The following PRPF38A variants were observed in gnomAD, a reference collection of about 807,000 sequenced individuals.
The protein encoded by PRPF38A is pre-mRNA processing factor 38A.
In PRPF38A, 11 loss-of-function variants were observed where a neutral mutation model predicts 46.8. The observed-to-expected ratio is 0.24, with a 90% CI of 0.15 to 0.39. The LOEUF (loss-of-function observed/expected upper bound fraction) is 0.39, where lower values mean the gene tolerates loss of function less well. Ranked by LOEUF, PRPF38A falls within the 10% of genes least tolerant of loss-of-function variation. The pLI, the probability that PRPF38A is intolerant of heterozygous loss-of-function variation, is 1.00. For missense variants in PRPF38A, 261 were observed against 407.5 expected, an observed-to-expected ratio of 0.64 and a Z score of 3.10; for synonymous variants, 124 against 136.2, an observed-to-expected ratio of 0.91 and a Z score of 0.62.
chr1:52,418,930 T>C lies in PRPF38A; in HGVS notation c.*2240T>C, dbSNP rs1213326081. The stretch of plus-strand genomic sequence containing the variant: ...TCCTACTTGTTAACAGTTTTTAATA[T>C]TGGATGAAACCACTTAATCGATTTC... On this transcript the variant is annotated 3_prime_UTR_variant, in exon 10 of 10. Transcript: ENST00000257181. 4 of 152,262 alleles carry C rather than the reference T, an allele frequency of 2.6e-5. No individual in the cohort carries two copies. The highest frequency in any genetic ancestry group is 4.8e-5 in the African/African-American group (2 of 41,464). 9.4% of individuals were successfully genotyped at this position (152,262 alleles called of 1,614,324 possible).
In PRPF38A at chr1:52,415,737, T is replaced by C. The variant is rs559024077; in HGVS notation, c.896+351T>C. Among the ~76,000 whole-genome samples the C allele has an allele frequency of 2.5e-4, 38 of 152,174 alleles. No homozygotes were observed. In the East Asian group the frequency reaches 7.1e-3, roughly 29 times the overall value. On this transcript the variant is annotated intron_variant, in intron 9 of 9. Coordinates refer to ENST00000257181, the MANE Select transcript of PRPF38A (RefSeq NM_032864.4). ...AAAACATGGGGTTTAGTCCCAAGTTTTAAAACTTAACAGTTGAGTGACCTT... is the reference window on the plus strand; with the variant it reads ...AAAACATGGGGTTTAGTCCCAAGTTCTAAAACTTAACAGTTGAGTGACCTT...
At chr1:52,405,647 C>G (rs771891313) in intron 1 of PRPF38A, 33 bp from the exon 2 acceptor site, 1 of 1,609,376 alleles carries the variant, frequency 6.2e-7, no homozygotes. Context: ...GAGCTTAGCC[C>G]TAATATGTTA....
chr1:52,405,871 G>C, intron 2 of PRPF38A, 32 bp downstream of exon 2: 1 of 1,601,482 alleles, frequency 6.2e-7, no homozygotes, highest in Non-Finnish European at 8.6e-7. Context: ...TAATATAAGA[G>C]GTTTAATTTT....
intron 5 of PRPF38A, 79 bp from the exon 6 acceptor site, chr1:52,413,800 G>A: frequency 1.1e-6 from 1 of 890,692 alleles, no homozygotes; most frequent in Non-Finnish European, 1.8e-6. Context: ...GACAAGATGG[G>A]GCGTGAAGTA....
Position 52,408,508 on chromosome 1 carries a change from T to G in PRPF38A, c.291-61T>G, listed in dbSNP as rs780164273. 9 of 1,610,100 alleles carry G rather than the reference T, an allele frequency of 5.6e-6. No homozygotes were observed. The African/African-American group carries it at 1.2e-4, about 22-fold the overall frequency. On this transcript the variant is annotated intron_variant, in intron 2 of 9. Coordinates refer to ENST00000257181, the MANE Select transcript of PRPF38A (RefSeq NM_032864.4). ...TATCCACTACTGTCATGAGAACAGC[T>G]AGTTGTAAAACTCAGGAACTTCTAG...
chr1:52,420,395 G>T lies in PRPF38A; in HGVS notation c.*3705G>T, dbSNP rs1432484377. On this transcript the variant is annotated 3_prime_UTR_variant, in exon 10 of 10. Transcript: ENST00000257181. The stretch of plus-strand genomic sequence containing the variant: ...AAATATTATGAACACTGTCTATATA[G>T]AAATAACAAGTAGAGTGTGCTGGTT... 1 of 152,096 alleles carries T rather than the reference G, an allele frequency of 6.6e-6. No individual in the cohort carries two copies. Among genetic ancestry groups the T allele is most frequent in the Non-Finnish European group, 1.5e-5 (1 of 68,018 alleles). The allele number at this position is 152,096 out of a possible 1,614,324, so 9.4% of individuals were successfully genotyped here. A position where few individuals can be genotyped will look rare whatever the true frequency, so the allele number is the denominator to read the frequency against.
chr1:52,416,918 A>G lies in PRPF38A; in HGVS notation c.*228A>G. ...AACCTTGACTGTATTCAAACTTATG[A>G]GAGTATAAAGGATCTGGAGGTTGGG... On this transcript the variant is annotated 3_prime_UTR_variant, in exon 10 of 10. Coordinates refer to ENST00000257181, the MANE Select transcript of PRPF38A (RefSeq NM_032864.4). The G allele has an allele frequency of 1.9e-6, 1 of 527,078 alleles. No individual in the cohort carries two copies. The highest frequency in any genetic ancestry group is 2.3e-5 in the South Asian group (1 of 42,740). 32.7% of individuals were successfully genotyped at this position (527,078 alleles called of 1,614,324 possible).
At position 52,415,390 on chromosome 1, in the gene PRPF38A, A is replaced by G; in HGVS notation, c.896+4A>G. On this transcript the variant is annotated splice_donor_region_variant and intron_variant, in intron 9 of 9. Transcript: ENST00000257181. ...GCCACTCAAAGTCTCCCGAAAGGTA[A>G]TGAATTGACCTCTATTTTAACTTTA... is the stretch of plus-strand genomic sequence containing the variant. 1 of 1,612,056 alleles carries G rather than the reference A, an allele frequency of 6.2e-7. No individual in the cohort carries two copies. The highest frequency in any genetic ancestry group is 8.5e-7 in the Non-Finnish European group (1 of 1,178,196).
At chr1:52,415,170 TTCTTTGCTCCC>T (rs1229685804) in intron 8 of PRPF38A, among the ~76,000 whole-genome samples, 157 bp from the exon 9 acceptor site, 9 of 152,256 alleles carry the variant, frequency 5.9e-5, no homozygotes, top group African/African-American at 2.2e-4. Context: ...CATTACTACT[TTCTTTGCTCCC>T]TCTTCCTCCA....
intron 2 of PRPF38A, among the ~76,000 whole-genome samples, chr1:52,406,509 TC>T (rs1216379045): frequency 6.6e-6 from 1 of 151,894 alleles, no homozygotes; most frequent in Non-Finnish European, 1.5e-5. Flanking sequence ...ACATCCAGAT[TC>T]TGTTGCCCAT....
At position 52,418,470 on chromosome 1, in the gene PRPF38A, TA is replaced by T. The variant is rs1313968993; in HGVS notation, c.*1785del. ...CTTTGTCTTAAAATATGTTTTAAAG[TA>T]AAAATAAACCCACGCACAAAGCCCA... is the stretch of plus-strand genomic sequence containing the variant. On this transcript the variant is annotated 3_prime_UTR_variant, in exon 10 of 10. Coordinates refer to ENST00000257181, the MANE Select transcript of PRPF38A (RefSeq NM_032864.4). 6.6e-6 allele frequency: 1 copy of T among 152,084 alleles called. No individual in the cohort carries two copies. The highest frequency in any genetic ancestry group is 2.4e-5 in the African/African-American group (1 of 41,398). The allele number at this position is 152,084 out of a possible 1,614,324, so 9.4% of individuals were successfully genotyped here.
Position 52,410,129 on chromosome 1 carries a change from A to G in PRPF38A, c.413-986A>G, listed in dbSNP as rs1648107000. Reference sequence around the variant, plus strand: ...ATATACATAATCATATATAATTTATATATAACATAATTTATATATAACATA... The same window carrying G: ...ATATACATAATCATATATAATTTATGTATAACATAATTTATATATAACATA... On this transcript the variant is annotated intron_variant, in intron 3 of 9. Coordinates refer to ENST00000257181, the MANE Select transcript of PRPF38A (RefSeq NM_032864.4). Among the ~76,000 whole-genome samples, 4 of 123,126 alleles carry G rather than the reference A, an allele frequency of 3.2e-5. No homozygotes were observed. In the South Asian group the frequency reaches 1.1e-3, roughly 34 times the overall value. 80.8% of individuals were successfully genotyped at this position (123,126 alleles called of 152,430 possible).
rs1400609895 is a variant in PRPF38A at position 52,418,656 on chromosome 1, A to C, written c.*1966A>C. On this transcript the variant is annotated 3_prime_UTR_variant, in exon 10 of 10. Coordinates refer to ENST00000257181, the MANE Select transcript of PRPF38A (RefSeq NM_032864.4). ...TAATTAGAAGAAGGAGGTAAGAGTA[A>C]GACATGTTGCATGTCTGTAGATATC... is the stretch of plus-strand genomic sequence containing the variant. 6.6e-6 allele frequency: 1 copy of C among 152,240 alleles called. No homozygotes were observed. Among genetic ancestry groups the C allele is most frequent in the Non-Finnish European group, 1.5e-5 (1 of 68,046 alleles). The allele number at this position is 152,240 out of a possible 1,614,324, so 9.4% of individuals were successfully genotyped here.
Position 52,404,952 on chromosome 1 carries a change from T to C in PRPF38A, c.130+73T>C, listed in dbSNP as rs1569969962. 6 of 1,560,794 alleles carry C rather than the reference T, an allele frequency of 3.8e-6. No individual in the cohort carries two copies. The East Asian group carries it at 1.3e-4, about 35-fold the overall frequency. On this transcript the variant is annotated intron_variant, in intron 1 of 9. Coordinates refer to ENST00000257181, the MANE Select transcript of PRPF38A (RefSeq NM_032864.4). ...TCTCCTGACCGAGCGCGGGTAGGAC[T>C]AGCGACTGGCCTCTGGGGGTGGTAC...
In PRPF38A at chr1:52,404,631, T is replaced by A; in HGVS notation, c.-119T>A. ...TACGGTGTTTCCGGCTTCAAGATGG[T>A]CGCCTAAGCTGTTTAGTGAAACTTC... On this transcript the variant is annotated 5_prime_UTR_variant, in exon 1 of 10. Coordinates refer to ENST00000257181, the MANE Select transcript of PRPF38A (RefSeq NM_032864.4). 4 of 1,133,432 alleles carry A rather than the reference T, an allele frequency of 3.5e-6. No individual in the cohort carries two copies. In the South Asian group the frequency reaches 6.2e-5, roughly 18 times the overall value. 70.2% of individuals were successfully genotyped at this position (1,133,432 alleles called of 1,614,324 possible). A position where few individuals can be genotyped will look rare whatever the true frequency, so the allele number is the denominator to read the frequency against.
At chr1:52,408,941 A>G in intron 3 of PRPF38A, 2 of 354,502 alleles carry the variant, frequency 5.6e-6, no homozygotes, top group South Asian at 8.3e-5. Context: ...CCTGCCTTGC[A>G]TCATATGCCC....
intron 2 of PRPF38A, among the ~76,000 whole-genome samples, chr1:52,407,109 C>G (rs111938889): frequency 3.7e-4 from 56 of 152,334 alleles, no homozygotes; most frequent in Non-Finnish European, 6.9e-4. Flanking sequence ...GCTCGGCCTC[C>G]TGGGTTCATG....
chr1:52,409,811 C>T (rs899271415), intron 3 of PRPF38A, among the ~76,000 whole-genome samples: 4 of 151,860 alleles, frequency 2.6e-5, no homozygotes, highest in Non-Finnish European at 5.9e-5. Context: ...AACCTATTGA[C>T]ATTTTGGGTC....
At chr1:52,408,770 A>G (rs894999039) in intron 3 of PRPF38A, 80 bp downstream of exon 3, 72 of 1,510,700 alleles carry the variant, frequency 4.8e-5, no homozygotes, top group African/African-American at 6.9e-5. Flanking sequence ...TTGCATTGTC[A>G]TAGACAGTGT....
Sources: gnomAD v4.1 joint callset for allele counts (sites outside exome capture counted in the v4.1 genomes callset) on GRCh38, gnomAD v4.1.1 for gene constraint, MANE v1.5 for transcripts, NCBI Gene and HGNC (gene_info 2026-07-23, HGNC 2026-07-21) for gene names.